SYNPO2: variants seen among roughly 807,000 people sequenced by gnomAD.
SYNPO2 encodes synaptopodin 2.
Under a neutral mutation model 85.0 loss-of-function variants are expected in SYNPO2, and 56 were observed. The observed-to-expected ratio is 0.66, with a 90% CI of 0.53 to 0.82. The LOEUF (loss-of-function observed/expected upper bound fraction) is 0.82. Ranked by LOEUF, SYNPO2 falls within the 40% of genes least tolerant of loss-of-function variation. The pLI, the probability that SYNPO2 is intolerant of heterozygous loss-of-function variation, is 0.00. For synonymous variants in SYNPO2, 602 were observed against 591.1 expected, an observed-to-expected ratio of 1.02 and a Z score of -0.27; for missense variants, 1,575 against 1,534.2, an observed-to-expected ratio of 1.03 and a Z score of -0.44.
chr4:118,852,636 C>G (rs1316734311), intron 1 of SYNPO2, among the ~76,000 whole-genome samples: 1 of 152,154 alleles, frequency 6.6e-6, no homozygotes, highest in East Asian at 1.9e-4. Flanking sequence ...AAACCAAATA[C>G]CACATGTTCT....
intron 1 of SYNPO2, among the ~76,000 whole-genome samples, chr4:118,952,872 G>A (rs371396458): frequency 1.2e-4 from 18 of 152,176 alleles, no homozygotes; most frequent in East Asian, 1.2e-3. Context: ...TAACAACCTC[G>A]GAAGGAATTA....
At chr4:118,909,890 T>C (rs949215829) in intron 1 of SYNPO2, among the ~76,000 whole-genome samples, 3 of 152,186 alleles carry the variant, frequency 2.0e-5, no homozygotes, top group African/African-American at 4.8e-5. Context: ...CTAAAATAAT[T>C]ACAAATGAGA....
Position 118,864,209 on chromosome 4 carries a change from G to A in SYNPO2, c.12+13269G>A, listed in dbSNP as rs1731665036. 2.0e-5 allele frequency among the ~76,000 whole-genome samples: 3 copies of A among 151,874 alleles called. No individual in the cohort carries two copies. In the South Asian group the frequency reaches 6.2e-4, roughly 32 times the overall value. ...AATTTCTTTCTTAGTTTCTTTATTG[G>A]CCCACCAATTTTTCAGGAGAGCATT... is the stretch of plus-strand genomic sequence containing the variant. On this transcript the variant is annotated intron_variant, in intron 1 of 4. Transcript: ENST00000610556.
intron 1 of SYNPO2, among the ~76,000 whole-genome samples, chr4:119,005,581 G>A (rs930583617): frequency 4.5e-5 from 6 of 133,424 alleles, no homozygotes; most frequent in East Asian, 4.4e-4. Context: ...TGTTCCATTG[G>A]TCTATATCTC....
chr4:118,973,251 T>C (rs922891434), intron 1 of SYNPO2, among the ~76,000 whole-genome samples: 6 of 152,228 alleles, frequency 3.9e-5, no homozygotes, highest in African/African-American at 1.2e-4. Context: ...GATTCTATTA[T>C]ACTATTATTA....
rs750087385 is a variant in SYNPO2, at chr4:119,030,133, T to A, written c.1358T>A (p.Val453Asp). 6.2e-7 allele frequency: 1 copy of A among 1,614,104 alleles called. No homozygotes were observed. The highest frequency in any genetic ancestry group is 8.5e-7 in the Non-Finnish European group (1 of 1,180,014). Reference sequence around the variant, plus strand: ...GTGGATGAAGAGTTATTGTCTGACGTTGACGACAACACACAAGTTGTGAAC... The same window carrying A: ...GTGGATGAAGAGTTATTGTCTGACGATGACGACAACACACAAGTTGTGAAC... ...SEVDEELLSD[V>D]DDNTQVVNFD... The change falls in exon 4 of 5, where the codon GTT (valine) becomes GAT (aspartate). Residue 453 changes from valine to aspartate, a missense_variant. Physicochemically the swap from Val to Asp is radical, Grantham distance 152. Transcript: ENST00000307142.
chr4:118,929,232 A>AAT (rs1448670268), intron 1 of SYNPO2, among the ~76,000 whole-genome samples: 1 of 152,102 alleles, frequency 6.6e-6, no homozygotes, highest in Non-Finnish European at 1.5e-5. Flanking sequence ...AGCAGAAGCA[A>AAT]ATAATAATCA....
intron 4 of SYNPO2, among the ~76,000 whole-genome samples, chr4:119,055,232 ACT>A (rs1739174853): frequency 6.6e-6 from 1 of 151,734 alleles, no homozygotes; most frequent in South Asian, 2.1e-4. Flanking sequence ...GCTCACTACA[ACT>A]TCTGCCTCCT....
intron 1 of SYNPO2, among the ~76,000 whole-genome samples, chr4:118,964,229 T>G (rs1735215750): frequency 6.6e-6 from 1 of 151,896 alleles, no homozygotes; most frequent in Admixed American, 6.6e-5. Flanking sequence ...GCGGGCAGAT[T>G]ACTTGAGCTT....
upstream of SYNPO2, among the ~76,000 whole-genome samples, chr4:118,887,206 C>G (rs1303600066): frequency 7.6e-6 from 1 of 131,046 alleles, no homozygotes; most frequent in Non-Finnish European, 1.6e-5. Context: ...TGTGTGTGCA[C>G]CCTCTGATGG....
intron 1 of SYNPO2, among the ~76,000 whole-genome samples, chr4:119,015,257 C>T (rs1323842395): frequency 1.3e-5 from 2 of 152,174 alleles, no homozygotes; most frequent in Admixed American, 6.5e-5. Context: ...CGCCAGTTTA[C>T]TAATAACTGC....
intron 1 of SYNPO2, among the ~76,000 whole-genome samples, chr4:118,977,041 G>C (rs181714501): frequency 7.0e-4 from 107 of 152,342 alleles, no homozygotes; most frequent in East Asian, 3.1e-3. Flanking sequence ...GTCCGGCGCC[G>C]TGCGCTCGCA....
intron 1 of SYNPO2, among the ~76,000 whole-genome samples, chr4:118,934,102 T>C (rs2056437): frequency 0.82 from 124,474 of 151,926 alleles, 51,925 homozygotes; most frequent in South Asian, 0.94. Context: ...CAGACTGCAG[T>C]TGGTCTCTTT....
chr4:118,877,043 C>A (rs1404980333), intron 1 of SYNPO2, among the ~76,000 whole-genome samples: 1 of 151,822 alleles, frequency 6.6e-6, no homozygotes, highest in South Asian at 2.1e-4. Flanking sequence ...TGGGTCCAAG[C>A]GACCCTCCTG....
chr4:118,859,494 C>T (rs1731571288), intron 1 of SYNPO2, among the ~76,000 whole-genome samples: 1 of 152,112 alleles, frequency 6.6e-6, no homozygotes, highest in Non-Finnish European at 1.5e-5. Flanking sequence ...GTCATACTAG[C>T]AAATACCAGG....
intron 1 of SYNPO2, among the ~76,000 whole-genome samples, chr4:119,003,739 T>G (rs1370446926): frequency 6.6e-6 from 1 of 152,184 alleles, no homozygotes; most frequent in Non-Finnish European, 1.5e-5. Flanking sequence ...CTGATGTCCT[T>G]GGCTCTCTGC....
chr4:118,990,359 C>T (rs558489384), intron 1 of SYNPO2, among the ~76,000 whole-genome samples: 2 of 152,264 alleles, frequency 1.3e-5, no homozygotes, highest in South Asian at 4.2e-4. Flanking sequence ...AGAGACTTCT[C>T]CCAGGAAATA....
intron 4 of SYNPO2, among the ~76,000 whole-genome samples, chr4:119,054,179 A>G (rs1739137591): frequency 6.6e-6 from 1 of 152,236 alleles, no homozygotes; most frequent in Admixed American, 6.5e-5. Flanking sequence ...AGCAGACTTC[A>G]TGTGTGGCCC....
At chr4:118,987,642 TGAA>T (rs1560949241) in intron 1 of SYNPO2, among the ~76,000 whole-genome samples, 1 of 140,166 alleles carries the variant, frequency 7.1e-6, no homozygotes. Context: ...GCAGCCCACA[TGAA>T]AAAAAAAAAA....
Sources: gnomAD v4.1 joint callset for allele counts (sites outside exome capture counted in the v4.1 genomes callset) on GRCh38, gnomAD v4.1.1 for gene constraint, MANE v1.5 for transcripts, NCBI Gene and HGNC (gene_info 2026-07-23, HGNC 2026-07-21) for gene names.